Variants in CACNA2D3 observed in about 807,000 individuals in gnomAD.
CACNA2D3 encodes the protein calcium voltage-gated channel auxiliary subunit alpha2delta 3, also known as voltage-dependent calcium channel subunit alpha-2/delta-3.
CACNA2D3 carries 60 observed loss-of-function variants against 160.6 expected under a neutral mutation model. The observed-to-expected ratio is 0.37, with a 90% CI of 0.30 to 0.46. The LOEUF is 0.46. Ranked by LOEUF, CACNA2D3 falls within the 20% of genes least tolerant of loss-of-function variation. The pLI is 1.00. For missense variants in CACNA2D3, 1,205 were observed against 1,365.0 expected, an observed-to-expected ratio of 0.88 and a Z score of 1.85; for synonymous variants, 558 against 492.9, an observed-to-expected ratio of 1.13 and a Z score of -1.75.
chr3:54,325,638 T>TG (rs570041438), intron 3 of CACNA2D3, among the ~76,000 whole-genome samples: 9 of 152,278 alleles, frequency 5.9e-5, no homozygotes, highest in Admixed American at 4.6e-4. Flanking sequence ...GAAGGAGCAC[T>TG]GGGGGGATTA....
At chr3:54,732,226 A>C (rs1245518398) in intron 11 of CACNA2D3, among the ~76,000 whole-genome samples, 2 of 152,264 alleles carry the variant, frequency 1.3e-5, no homozygotes, top group African/African-American at 2.4e-5. Flanking sequence ...TGCGAAGCAC[A>C]CAGGGCAGAA....
intron 2 of CACNA2D3, among the ~76,000 whole-genome samples, chr3:54,309,195 G>T (rs1281483098): frequency 6.6e-6 from 1 of 152,206 alleles, no homozygotes; most frequent in Non-Finnish European, 1.5e-5. Context: ...GTTGGATTTT[G>T]TTTAGTAGAC....
At chr3:54,536,869 C>T (rs546142079) in intron 5 of CACNA2D3, among the ~76,000 whole-genome samples, 3 of 152,298 alleles carry the variant, frequency 2.0e-5, no homozygotes, top group South Asian at 2.1e-4. Flanking sequence ...GGGTGCCCAG[C>T]GCTGTGTCAC....
chr3:54,949,885 T>G (rs139704246), intron 27 of CACNA2D3, among the ~76,000 whole-genome samples: 1 of 152,310 alleles, frequency 6.6e-6, no homozygotes, highest in East Asian at 1.9e-4. Context: ...AGTAATTATT[T>G]TTATGAGGCA....
At chr3:54,550,936 ACAGGTGCCCT>A (rs1384117205) in intron 5 of CACNA2D3, among the ~76,000 whole-genome samples, 5 of 152,150 alleles carry the variant, frequency 3.3e-5, no homozygotes, top group Non-Finnish European at 7.4e-5. Context: ...CCACCCTTGT[ACAGGTGCCCT>A]CATGTATCCC....
intron 27 of CACNA2D3, among the ~76,000 whole-genome samples, chr3:54,911,047 C>G (rs756303438): frequency 2.2e-4 from 34 of 152,160 alleles, no homozygotes; most frequent in Non-Finnish European, 3.8e-4. Flanking sequence ...CAATCCACAA[C>G]CACCCCTCCC....
chr3:54,821,654 TTCTTTC>T (rs1247016558), intron 14 of CACNA2D3, among the ~76,000 whole-genome samples: 2 of 63,136 alleles, frequency 3.2e-5, no homozygotes, highest in Admixed American at 1.7e-4. Flanking sequence ...CTTTCTTTCT[TTCTTTC>T]TTTCTTTCTT....
At chr3:54,636,889 C>T (rs1699385996) in intron 10 of CACNA2D3, among the ~76,000 whole-genome samples, 1 of 151,888 alleles carries the variant, frequency 6.6e-6, no homozygotes, top group East Asian at 1.9e-4. Context: ...TTTGCTGAGC[C>T]TAATCAGTGT....
intron 9 of CACNA2D3, among the ~76,000 whole-genome samples, chr3:54,623,570 CAT>C (rs1699036224): frequency 6.6e-6 from 1 of 152,214 alleles, no homozygotes; most frequent in South Asian, 2.1e-4. Flanking sequence ...AAAACTCACA[CAT>C]GTCCCTGGGT....
intron 27 of CACNA2D3, among the ~76,000 whole-genome samples, chr3:54,911,518 C>G (rs905247818): frequency 2.0e-5 from 3 of 151,692 alleles, no homozygotes; most frequent in African/African-American, 4.8e-5. Context: ...GGAAGTCATT[C>G]TTGACTCTTT....
At chr3:54,320,208 A>C (rs1208400217) in intron 2 of CACNA2D3, among the ~76,000 whole-genome samples, 2 of 152,238 alleles carry the variant, frequency 1.3e-5, no homozygotes, top group African/African-American at 4.8e-5. Context: ...GGGTTAAGAT[A>C]TATTCCTTTC....
chr3:54,736,117 ATACATATATATATG>A, intron 11 of CACNA2D3, among the ~76,000 whole-genome samples: 9 of 19,708 alleles, frequency 4.6e-4, no homozygotes, highest in African/African-American at 1.1e-3. Context: ...ATGTATATAT[ATACATATATATATG>A]TATATATATA....
chr3:54,484,344 C>T (rs1445308797), intron 4 of CACNA2D3, among the ~76,000 whole-genome samples: 4 of 152,196 alleles, frequency 2.6e-5, no homozygotes, highest in Non-Finnish European at 5.9e-5. Flanking sequence ...AATCCAGCAC[C>T]GCACATTAGG....
chr3:54,440,170 G>T (rs191261485), intron 4 of CACNA2D3, among the ~76,000 whole-genome samples: 165 of 152,278 alleles, frequency 1.1e-3, no homozygotes, highest in African/African-American at 3.9e-3. Flanking sequence ...TGGACCTGGG[G>T]TTAGCCCTGT....
At chr3:54,909,611 C>T (rs1423342421) in intron 27 of CACNA2D3, among the ~76,000 whole-genome samples, 2 of 149,616 alleles carry the variant, frequency 1.3e-5, no homozygotes, top group Admixed American at 1.3e-4. Context: ...AATTCATAAA[C>T]TTTCTTAAAA....
chr3:54,740,802 G>A (rs1701633902), intron 11 of CACNA2D3, among the ~76,000 whole-genome samples: 1 of 152,168 alleles, frequency 6.6e-6, no homozygotes, highest in Non-Finnish European at 1.5e-5. Flanking sequence ...AAATAGAAAT[G>A]ACAAGAACTT....
At chr3:54,472,413 ATT>A (rs1700750040) in intron 4 of CACNA2D3, among the ~76,000 whole-genome samples, 1 of 152,224 alleles carries the variant, frequency 6.6e-6, no homozygotes, top group Admixed American at 6.5e-5. Context: ...AATAAGAGCT[ATT>A]TATGACAAAC....
intron 3 of CACNA2D3, chr3:54,385,834 C>T: frequency 2.2e-6 from 1 of 458,562 alleles, no homozygotes; most frequent in Non-Finnish European, 4.3e-6. Flanking sequence ...AGAGTGACCA[C>T]AGGAGAAATA....
At chr3:54,240,500 G>A (rs150028325) in intron 2 of CACNA2D3, among the ~76,000 whole-genome samples, 12 of 152,228 alleles carry the variant, frequency 7.9e-5, no homozygotes, top group African/African-American at 2.6e-4. Flanking sequence ...GCACCTACTC[G>A]GAATGCTAAT....
Sources: allele counts gnomAD v4.1 joint callset (sites outside exome capture counted in the v4.1 genomes callset), GRCh38; gene constraint gnomAD v4.1.1; transcripts MANE v1.5; gene names NCBI Gene and HGNC (gene_info 2026-07-23, HGNC 2026-07-21).